MYH6: variants seen among roughly 807,000 people sequenced by gnomAD.
MYH6 encodes the protein myosin heavy chain 6.
In MYH6, 126 loss-of-function variants were observed where a neutral mutation model predicts 223.2. That is an observed-to-expected ratio of 0.56 (90% CI 0.49 to 0.65). The LOEUF is 0.65. MYH6 is among the 30% of genes least tolerant of loss of function. The pLI, the probability that MYH6 is intolerant of heterozygous loss-of-function variation, is 0.00. For synonymous variants in MYH6, 978 were observed against 1,010.2 expected (o/e 0.97, Z 0.61); for missense variants, 2,040 against 2,536.4 (o/e 0.80, Z 4.20).
chr14:23,389,567 G>T (rs543619532), intron 27 of MYH6, 26 bp downstream of exon 27: 29 of 1,614,200 alleles, frequency 1.8e-5, no homozygotes, highest in Middle Eastern at 1.6e-4. Flanking sequence ...CCTGCCCTAG[G>T]CAGGGGGTTG....
rs775963505 is a variant in MYH6 at position 23,404,795 on chromosome 14, C to G, written c.558G>C (p.Val186=). 6.2e-7 allele frequency: 1 copy of G among 1,614,154 alleles called. No individual in the cohort carries two copies. The highest frequency in any genetic ancestry group is 2.2e-5 in the East Asian group (1 of 44,874). Residue 186 remains valine (V), a synonymous_variant, in exon 7 of 39, where the codon GTG becomes GTC. Coordinates refer to ENST00000405093, the MANE Select transcript of MYH6 (RefSeq NM_002471.4). ...AGTACTGGATGACACGCTTGGTGTT[C>G]ACAGTCTTCCCCGCCCCGGATTCTC... The part of the protein sequence containing the change: ...ITGESGAGKT[V]NTKRVIQYFA...
intron 19 of MYH6, 82 bp from the exon 20 acceptor site, chr14:23,396,502 T>C: frequency 6.3e-7 from 1 of 1,585,030 alleles, no homozygotes; most frequent in Non-Finnish European, 8.6e-7. Context: ...AGCTCCCAGG[T>C]GACCCATCAC....
chr14:23,384,389 G>A, intron 36 of MYH6, 53 bp downstream of exon 36: 5 of 1,602,730 alleles, frequency 3.1e-6, no homozygotes, highest in Non-Finnish European at 4.2e-6. Flanking sequence ...CGGGGCAGTG[G>A]GGCCAGAGAA....
Position 23,387,633 on chromosome 14 carries a change from C to G in MYH6, c.4546G>C (p.Glu1516Gln). The G allele has an allele frequency of 1.9e-6, 3 of 1,614,076 alleles. No homozygotes were observed. Among genetic ancestry groups the G allele is most frequent in the Non-Finnish European group, 2.5e-6 (3 of 1,180,018 alleles). The change falls in exon 32 of 39, where the codon GAG becomes CAG. Residue 1516 changes from glutamate (E) to glutamine (Q), a missense_variant. Around this residue, in one of 4 missense-constraint regions of MYH6, gnomAD observed 1,203 missense variants for 1,400.2 expected, o/e 0.86. Coordinates refer to ENST00000405093, the MANE Select transcript of MYH6 (RefSeq NM_002471.4). ...NLQEEISDLTEQLGEGGKNVH... is the reference protein window; with the variant it reads ...NLQEEISDLTQQLGEGGKNVH... Reference sequence around the variant, plus strand: ...TTCTTTCCTCCTTCTCCTAGCTGCTCAGTAAGGTCCGAGATTTCCTCTGGG... The same window carrying G: ...TTCTTTCCTCCTTCTCCTAGCTGCTGAGTAAGGTCCGAGATTTCCTCTGGG...
chr14:23,382,701 T>G (rs1890896780), intron 37 of MYH6, 139 bp from the exon 38 acceptor site: 1 of 1,286,052 alleles, frequency 7.8e-7, no homozygotes, highest in East Asian at 2.3e-5. Context: ...TTCCCAAGGG[T>G]ATCCTGCAAC....
chr14:23,404,280 G>A lies in MYH6; in HGVS notation c.735+16C>T, dbSNP rs76202841. Reference sequence around the variant, plus strand: ...AAGGCTGGATGAGGCCACTGGGAGTGGTCAAAGGCACTCACAAAGCGGGAG... The same window carrying A: ...AAGGCTGGATGAGGCCACTGGGAGTAGTCAAAGGCACTCACAAAGCGGGAG... On this transcript the variant is annotated intron_variant, in intron 8 of 38. Coordinates refer to ENST00000405093, the MANE Select transcript of MYH6 (RefSeq NM_002471.4). The A allele has an allele frequency of 8.4e-4, 1,362 of 1,613,880 alleles. 12 individuals carry two copies. In the East Asian group the frequency reaches 0.016, roughly 18 times the overall value.
intron 14 of MYH6, chr14:23,400,011 A>G: frequency 1.7e-6 from 1 of 585,918 alleles, no homozygotes; most frequent in Non-Finnish European, 3.0e-6. Flanking sequence ...CCTCTCCTTC[A>G]CTACATCTCA....
chr14:23,383,339 G>GCCCCCCCCC lies in MYH6; in HGVS notation c.5566-20_5566-19insGGGGGGGGG. On this transcript the variant is annotated intron_variant, in intron 36 of 38. Transcript: ENST00000405093. Reference sequence around the variant, plus strand: ...CCTCTGTCTGGGGGTGGGAGGGTGGGAGAAGCTGGTTTGGAGGGGGAGCAA... The same window carrying GCCCCCCCCC: ...CCTCTGTCTGGGGGTGGGAGGGTGGGCCCCCCCCCAGAAGCTGGTTTGGAGGGGGAGCAA... 5.5e-5 allele frequency: 6 copies of GCCCCCCCCC among 108,186 alleles called. No homozygotes were observed. Among genetic ancestry groups the GCCCCCCCCC allele is most frequent in the East Asian group, 2.3e-4 (1 of 4,408 alleles). The allele number at this position is 108,186 out of a possible 1,614,324, so 6.7% of individuals were successfully genotyped here. A position where few individuals can be genotyped will look rare whatever the true frequency, so the allele number is the denominator to read the frequency against.
Position 23,400,387 on chromosome 14 carries a change from C to T in MYH6, c.1450G>A (p.Glu484Lys), listed in dbSNP as rs1891562205. The T allele has an allele frequency of 6.2e-7, 1 of 1,614,194 alleles. No homozygotes were observed. Among genetic ancestry groups the T allele is most frequent in the Non-Finnish European group, 8.5e-7 (1 of 1,180,042 alleles). The part of the protein sequence containing the change: ...FEQLCINFTN[E>K]KLQQFFNHHM... ...TGGTTGAAGAACTGCTGCAGCTTCT[C>T]GTTGGTGAAGTTGATGCAGAGCTGC... Residue 484 changes from glutamate (E) to lysine (K), a missense_variant, in exon 14 of 39, where the codon GAG becomes AAG. Around this residue, in one of 4 missense-constraint regions of MYH6, gnomAD observed 649 missense variants for 877.3 expected, o/e 0.74. Coordinates refer to ENST00000405093, the MANE Select transcript of MYH6 (RefSeq NM_002471.4).
Position 23,398,783 on chromosome 14 carries a change from C to T in MYH6, c.1836G>A (p.Lys612=). The part of the protein sequence containing the change: ...LNETVVALYQ[K]SSLKLMATLF... ...GAGTGGCCATGAGCTTGAGGGAGGA[C>T]TTCTGGTACAGGGCCACAACAGTCT... Residue 612 remains lysine, a synonymous_variant, in exon 15 of 39, where the codon AAG becomes AAA. Coordinates refer to ENST00000405093, the MANE Select transcript of MYH6 (RefSeq NM_002471.4). 1.2e-6 allele frequency: 2 copies of T among 1,614,178 alleles called. No homozygotes were observed. The highest frequency in any genetic ancestry group is 2.2e-5 in the South Asian group (2 of 91,082).
Position 23,383,339 on chromosome 14 carries a change from G to GCCCCCCCCCCCCC in MYH6, c.5566-20_5566-19insGGGGGGGGGGGGG. 1.8e-5 allele frequency: 2 copies of GCCCCCCCCCCCCC among 108,180 alleles called. No homozygotes were observed. Among genetic ancestry groups the GCCCCCCCCCCCCC allele is most frequent in the East Asian group, 2.3e-4 (1 of 4,408 alleles). 6.7% of individuals were successfully genotyped at this position (108,180 alleles called of 1,614,324 possible). On this transcript the variant is annotated intron_variant, in intron 36 of 38. Transcript: ENST00000405093. ...CCTCTGTCTGGGGGTGGGAGGGTGG[G>GCCCCCCCCCCCCC]AGAAGCTGGTTTGGAGGGGGAGCAA...
At chr14:23,395,793 G>T (rs1595057942) in intron 20 of MYH6, among the ~76,000 whole-genome samples, 1 of 152,236 alleles carries the variant, frequency 6.6e-6, no homozygotes, top group Non-Finnish European at 1.5e-5. Flanking sequence ...CTCCCAAAGT[G>T]CTGGGATTTC....
At chr14:23,382,960 C>T (rs1389930016) in intron 37 of MYH6, among the ~76,000 whole-genome samples, 1 of 152,210 alleles carries the variant, frequency 6.6e-6, no homozygotes, top group Non-Finnish European at 1.5e-5. Context: ...TTCCTGCCTT[C>T]AGCTTCGGCT....
At chr14:23,387,714 C>T (rs1184506748) in intron 31 of MYH6, 44 bp downstream of exon 31, 1 of 1,613,928 alleles carries the variant, frequency 6.2e-7, no homozygotes, top group South Asian at 1.1e-5. Flanking sequence ...GCATGGCCCT[C>T]CCTCCCACCA....
Position 23,383,212 on chromosome 14 carries a change from G to T in MYH6, c.5661+13C>A. On this transcript the variant is annotated intron_variant, in intron 37 of 38. Coordinates refer to ENST00000405093, the MANE Select transcript of MYH6 (RefSeq NM_002471.4). ...GTGTGTTGATGAGAAAGGGAAGAAA[G>T]CTCTGAACTCACCGCCTCCTCGGCC... 6.2e-7 allele frequency: 1 copy of T among 1,606,896 alleles called. No homozygotes were observed. The highest frequency in any genetic ancestry group is 8.5e-7 in the Non-Finnish European group (1 of 1,174,682).
Position 23,383,326 on chromosome 14 carries a change from G to C in MYH6, c.5566-6C>G. The C allele has an allele frequency of 8.6e-7, 1 of 1,164,878 alleles. No homozygotes were observed. Among genetic ancestry groups the C allele is most frequent in the Non-Finnish European group, 1.2e-6 (1 of 811,642 alleles). The allele number at this position is 1,164,878 out of a possible 1,614,324, so 72.2% of individuals were successfully genotyped here. ...TTCTTTTTGTCTTCCTCTGTCTGGG[G>C]GTGGGAGGGTGGGAGAAGCTGGTTT... On this transcript the variant is annotated splice_polypyrimidine_tract_variant and splice_region_variant and intron_variant, in intron 36 of 38. Coordinates refer to ENST00000405093, the MANE Select transcript of MYH6 (RefSeq NM_002471.4).
In MYH6 at chr14:23,387,553, C is replaced by G; in HGVS notation, c.4626G>C (p.Leu1542=). Reference sequence around the variant, plus strand: ...CCTCTGCCTCCTCCAGGGCTGACTGCAGCTCCAGCTTCTCCACCTCCAGCT... The same window carrying G: ...CCTCTGCCTCCTCCAGGGCTGACTGGAGCTCCAGCTTCTCCACCTCCAGCT... ...RKQLEVEKLE[L]QSALEEAEAS... Residue 1542 remains leucine, a synonymous_variant, in exon 32 of 39, where the codon CTG becomes CTC. Transcript: ENST00000405093. The G allele has an allele frequency of 6.2e-7, 1 of 1,614,020 alleles. No homozygotes were observed. The highest frequency in any genetic ancestry group is 8.5e-7 in the Non-Finnish European group (1 of 1,180,016).
At position 23,396,826 on chromosome 14, in the gene MYH6, G is replaced by T. The variant is rs1423341577; in HGVS notation, c.2169-9C>A. 6.2e-6 allele frequency: 10 copies of T among 1,613,852 alleles called. No homozygotes were observed. The African/African-American group carries it at 6.7e-5, about 11-fold the overall frequency. On this transcript the variant is annotated splice_polypyrimidine_tract_variant and intron_variant, in intron 18 of 38. Coordinates refer to ENST00000405093, the MANE Select transcript of MYH6 (RefSeq NM_002471.4). ...GGTTCAGGATGCGATACCTGAGGAG[G>T]GAAGTGTCCAGAGTCACCCATGCTC...
chr14:23,404,178 T>G (rs1891701580), intron 8 of MYH6, 118 bp downstream of exon 8: 1 of 1,230,082 alleles, frequency 8.1e-7, no homozygotes, highest in Admixed American at 1.7e-5. Flanking sequence ...CCCACCAACG[T>G]GTGCATGTTG....
Sources: allele counts gnomAD v4.1 joint callset (sites outside exome capture counted in the v4.1 genomes callset), GRCh38; gene constraint gnomAD v4.1.1; regional missense constraint gnomAD v4.1.1; transcripts MANE v1.5; gene names NCBI Gene and HGNC (gene_info 2026-07-23, HGNC 2026-07-21).